The following LUZP2 variants were observed in gnomAD, a reference collection of about 807,000 sequenced individuals.
The protein encoded by LUZP2 is leucine zipper protein 2.
Under a neutral mutation model 51.6 loss-of-function variants are expected in LUZP2, and 52 were observed. That is an observed-to-expected ratio of 1.01 (90% CI 0.81 to 1.27). The LOEUF is 1.27. LUZP2 is among the 50% of genes most tolerant of loss of function. The probability of loss-of-function intolerance (pLI) is 0.00; values close to 1 mark genes in which losing one functional copy is unlikely to be tolerated. For missense variants in LUZP2, 436 were observed against 395.4 expected, an observed-to-expected ratio of 1.10 and a Z score of -0.87; for synonymous variants, 154 against 137.3, an observed-to-expected ratio of 1.12 and a Z score of -0.85.
chr11:24,978,307 A>T (rs573852275), intron 8 of LUZP2, among the ~76,000 whole-genome samples: 2 of 151,978 alleles, frequency 1.3e-5, no homozygotes, highest in African/African-American at 4.8e-5. Context: ...ATAACTCATT[A>T]TAACATTGGT....
At chr11:24,899,875 AATAG>A (rs1333163599) in intron 5 of LUZP2, among the ~76,000 whole-genome samples, 5 of 152,206 alleles carry the variant, frequency 3.3e-5, no homozygotes, top group Admixed American at 1.3e-4. Context: ...CTTTCAAGCT[AATAG>A]ATAGAACAAA....
At chr11:24,539,969 A>G (rs1851305184) in intron 1 of LUZP2, among the ~76,000 whole-genome samples, 2 of 151,750 alleles carry the variant, frequency 1.3e-5, no homozygotes, top group Admixed American at 1.3e-4. Flanking sequence ...ACATGTGTGT[A>G]CAAAGACAAC....
intron 9 of LUZP2, among the ~76,000 whole-genome samples, chr11:25,036,093 T>G (rs990590040): frequency 6.6e-6 from 1 of 152,124 alleles, no homozygotes; most frequent in Non-Finnish European, 1.5e-5. Flanking sequence ...ATACCTCTGA[T>G]CTGGGACTTT....
At chr11:24,983,751 A>T (rs1024058742) in intron 9 of LUZP2, among the ~76,000 whole-genome samples, 2 of 150,968 alleles carry the variant, frequency 1.3e-5, no homozygotes, top group African/African-American at 4.9e-5. Context: ...AAGTGTGTTT[A>T]GGTGTATTTA....
chr11:24,605,859 A>ATT (rs143750453), intron 1 of LUZP2, among the ~76,000 whole-genome samples: 2 of 151,296 alleles, frequency 1.3e-5, no homozygotes, highest in African/African-American at 4.9e-5. Context: ...GCATATCCCC[A>ATT]TTTTTTTCAC....
intron 10 of LUZP2, among the ~76,000 whole-genome samples, chr11:25,069,186 A>G (rs1375645613): frequency 6.6e-6 from 1 of 151,936 alleles, no homozygotes; most frequent in African/African-American, 2.4e-5. Flanking sequence ...AAAATATTAT[A>G]TAGTTAAATA....
At chr11:25,053,609 T>C (rs982830695) in intron 10 of LUZP2, among the ~76,000 whole-genome samples, 1 of 151,702 alleles carries the variant, frequency 6.6e-6, no homozygotes, top group African/African-American at 2.4e-5. Flanking sequence ...ACCAAAAACA[T>C]GGTTTCTTTT....
chr11:24,828,335 C>T (rs1477551185), intron 5 of LUZP2, among the ~76,000 whole-genome samples: 3 of 152,044 alleles, frequency 2.0e-5, no homozygotes, highest in Non-Finnish European at 4.4e-5. Flanking sequence ...AAGACACAAG[C>T]AACTTAGAGC....
At chr11:24,908,971 C>T (rs903180217) in intron 6 of LUZP2, among the ~76,000 whole-genome samples, 1 of 151,680 alleles carries the variant, frequency 6.6e-6, no homozygotes, top group South Asian at 2.1e-4. Flanking sequence ...CTGTGTTAGC[C>T]AGGATGGTCT....
intron 1 of LUZP2, among the ~76,000 whole-genome samples, chr11:24,647,191 A>T (rs368931091): frequency 3.9e-5 from 6 of 152,112 alleles, no homozygotes; most frequent in African/African-American, 1.4e-4. Context: ...TCAGTCTGAG[A>T]AGTTTCCCTC....
At chr11:25,059,630 A>G (rs1482979250) in intron 10 of LUZP2, among the ~76,000 whole-genome samples, 1 of 152,174 alleles carries the variant, frequency 6.6e-6, no homozygotes, top group African/African-American at 2.4e-5. Context: ...TTGAGGGGGA[A>G]AAAAGAATAA....
intron 5 of LUZP2, among the ~76,000 whole-genome samples, chr11:24,890,009 G>A (rs1852796329): frequency 6.6e-6 from 1 of 152,024 alleles, no homozygotes; most frequent in African/African-American, 2.4e-5. Context: ...TAAACAAAAG[G>A]GAATTCAAGT....
chr11:24,862,363 C>T lies in LUZP2; in HGVS notation c.397-43628C>T, dbSNP rs191040007. On this transcript the variant is annotated intron_variant, in intron 5 of 11. Transcript: ENST00000336930. ...AAGCAAGTGCTGAGGTATTTCATTA[C>T]CACCAGGCATGCCCTGCAAGAGCTC... Among the ~76,000 whole-genome samples, 637 of 152,226 alleles carry T rather than the reference C, an allele frequency of 4.2e-3. 5 individuals carry two copies. The highest frequency in any genetic ancestry group is 0.015 in the African/African-American group (613 of 41,550).
At chr11:24,706,806 C>T (rs1282844992) in intron 1 of LUZP2, among the ~76,000 whole-genome samples, 1 of 147,946 alleles carries the variant, frequency 6.8e-6, no homozygotes, top group East Asian at 2.0e-4. Context: ...ATATTTCCCT[C>T]CTCAGATCTC....
intron 1 of LUZP2, among the ~76,000 whole-genome samples, chr11:24,708,451 C>G (rs2133925202): frequency 6.6e-6 from 1 of 152,234 alleles, no homozygotes; most frequent in African/African-American, 2.4e-5. Context: ...ACAAATGCCT[C>G]TTGTATATCA....
At chr11:24,771,738 T>C (rs1860426723) in intron 5 of LUZP2, among the ~76,000 whole-genome samples, 1 of 152,076 alleles carries the variant, frequency 6.6e-6, no homozygotes, top group Admixed American at 6.5e-5. Flanking sequence ...CAGGTGGAGA[T>C]AATTGAATCA....
intron 4 of LUZP2, among the ~76,000 whole-genome samples, chr11:24,744,368 T>C (rs1384043985): frequency 2.6e-5 from 4 of 152,146 alleles, no homozygotes; most frequent in African/African-American, 9.6e-5. Context: ...AATTTTTTAA[T>C]TACCATTTCA....
chr11:24,756,065 C>T (rs918901310), intron 4 of LUZP2, among the ~76,000 whole-genome samples: 2 of 152,078 alleles, frequency 1.3e-5, no homozygotes, highest in African/African-American at 4.8e-5. Flanking sequence ...GCTTTCACCA[C>T]CCCCCTTATG....
intron 7 of LUZP2, among the ~76,000 whole-genome samples, chr11:24,916,376 T>G (rs1044376188): frequency 2.0e-5 from 3 of 152,116 alleles, no homozygotes; most frequent in African/African-American, 7.2e-5. Flanking sequence ...AGGGTACATG[T>G]TCACAATGTG....
Sources: gnomAD v4.1 joint callset for allele counts (sites outside exome capture counted in the v4.1 genomes callset) on GRCh38, gnomAD v4.1.1 for gene constraint, MANE v1.5 for transcripts, NCBI Gene and HGNC (gene_info 2026-07-23, HGNC 2026-07-21) for gene names.